Variants in PRKCH observed in about 807,000 individuals in gnomAD.
PRKCH encodes protein kinase C eta type.
PRKCH carries 28 observed loss-of-function variants against 82.5 expected under a neutral mutation model. The observed-to-expected ratio is 0.34, with a 90% confidence interval of 0.25 to 0.47. PRKCH has a LOEUF of 0.47. Ranked by LOEUF, PRKCH falls within the 20% of genes least tolerant of loss-of-function variation. The probability of loss-of-function intolerance (pLI) is 1.00; values close to 1 mark genes in which losing one functional copy is unlikely to be tolerated. For synonymous variants in PRKCH, 322 were observed against 327.4 expected (o/e 0.98, Z 0.18); for missense variants, 705 against 881.8 (o/e 0.80, Z 2.54).
At chr14:61,502,926 C>T (rs1287597433) in intron 10 of PRKCH, among the ~76,000 whole-genome samples, 1 of 151,672 alleles carries the variant, frequency 6.6e-6, no homozygotes, top group Non-Finnish European at 1.5e-5. Flanking sequence ...CTTTCGAGCC[C>T]TTCCTGGGGG....
At chr14:61,274,640 A>G (rs748689254) in intron 1 of PRKCH, among the ~76,000 whole-genome samples, 12 of 152,220 alleles carry the variant, frequency 7.9e-5, no homozygotes, top group Non-Finnish European at 1.5e-4. Flanking sequence ...CAGGGAGGCA[A>G]TTCAGGGCTC....
At chr14:61,522,073 AAGT>A (rs2042914234) in intron 10 of PRKCH, among the ~76,000 whole-genome samples, 1 of 152,184 alleles carries the variant, frequency 6.6e-6, no homozygotes, top group Non-Finnish European at 1.5e-5. Flanking sequence ...TGTCTAAAAA[AAGT>A]AGCTCAATCT....
At chr14:61,360,998 G>C (rs986598816) in intron 1 of PRKCH, 17 of 152,224 alleles carry the variant, frequency 1.1e-4, no homozygotes, top group African/African-American at 4.1e-4. Context: ...AGTAGGGTGT[G>C]AGTCATTCCA....
At chr14:61,341,371 G>T (rs2045928217) in intron 1 of PRKCH, among the ~76,000 whole-genome samples, 1 of 152,196 alleles carries the variant, frequency 6.6e-6, no homozygotes, top group Admixed American at 6.5e-5. Context: ...CATTAGAAAA[G>T]ATAGGGTTGA....
chr14:61,322,517 A>T, intron 1 of PRKCH, 53 bp downstream of exon 1: 6 of 1,537,532 alleles, frequency 3.9e-6, no homozygotes, highest in Non-Finnish European at 5.3e-6. Context: ...CGTTCCCCTT[A>T]TGTTTTTCAA....
intron 10 of PRKCH, among the ~76,000 whole-genome samples, chr14:61,520,074 C>CAAAAAAAAA (rs71992585): frequency 6.2e-5 from 6 of 97,422 alleles, no homozygotes; most frequent in Non-Finnish European, 7.3e-5. Flanking sequence ...CTACAGAAAC[C>CAAAAAAAAA]AAAAAAAAAA....
intron 2 of PRKCH, among the ~76,000 whole-genome samples, chr14:61,428,127 A>G (rs1289247047): frequency 6.6e-6 from 1 of 150,814 alleles, no homozygotes; most frequent in Non-Finnish European, 1.5e-5. Flanking sequence ...ATATATATAT[A>G]TATATGTATC....
intron 1 of PRKCH, among the ~76,000 whole-genome samples, chr14:61,209,300 T>C (rs1435093775): frequency 9.0e-6 from 1 of 110,754 alleles, no homozygotes; most frequent in Admixed American, 1.2e-4. Flanking sequence ...ACTAAGACAG[T>C]GCCTTTATTT....
chr14:61,204,124 C>A (rs981920229), intron 1 of PRKCH, among the ~76,000 whole-genome samples: 6 of 151,986 alleles, frequency 3.9e-5, no homozygotes, highest in African/African-American at 1.5e-4. Context: ...CCTTGGCAAC[C>A]AGAGCCCTTT....
chr14:61,421,739 G>A (rs1362248143), intron 2 of PRKCH, among the ~76,000 whole-genome samples: 1 of 152,168 alleles, frequency 6.6e-6, no homozygotes, highest in East Asian at 1.9e-4. Context: ...GCTAGGCATT[G>A]GTGATATCCC....
chr14:61,244,058 A>G (rs1167829020), intron 1 of PRKCH, among the ~76,000 whole-genome samples: 1 of 152,186 alleles, frequency 6.6e-6, no homozygotes, highest in Admixed American at 6.5e-5. Context: ...AGTTTGGGGC[A>G]ACGGAGCATG....
intron 1 of PRKCH, among the ~76,000 whole-genome samples, chr14:61,229,666 AC>A (rs1241746975): frequency 1.3e-5 from 2 of 152,118 alleles, no homozygotes; most frequent in Non-Finnish European, 2.9e-5. Context: ...TGGAAAGGAA[AC>A]TTTTCCAGAG....
chr14:61,486,688 T>C (rs1957898), intron 10 of PRKCH, among the ~76,000 whole-genome samples: 90,537 of 142,242 alleles, frequency 0.64, 33,203 homozygotes, highest in Middle Eastern at 0.84. Context: ...TTCTTTCTTT[T>C]TTTTTTTTTA....
At chr14:61,261,181 C>G (rs914990527) in intron 1 of PRKCH, among the ~76,000 whole-genome samples, 4 of 152,170 alleles carry the variant, frequency 2.6e-5, no homozygotes, top group Non-Finnish European at 5.9e-5. Flanking sequence ...AAACTGTTGC[C>G]GTCACCAACG....
intron 1 of PRKCH, among the ~76,000 whole-genome samples, chr14:61,232,837 G>A (rs935725632): frequency 6.6e-6 from 1 of 152,122 alleles, no homozygotes; most frequent in Non-Finnish European, 1.5e-5. Context: ...TCAGGCCTTG[G>A]TGTTCATGTG....
intron 1 of PRKCH, among the ~76,000 whole-genome samples, chr14:61,352,689 GGAAAGAAAGAAA>G (rs56406998): frequency 0.049 from 6,233 of 126,442 alleles, 189 homozygotes; most frequent in East Asian, 0.13. Context: ...AGAAAGGAAA[GGAAAGAAAGAAA>G]GAAAGAAAGA....
intron 1 of PRKCH, among the ~76,000 whole-genome samples, chr14:61,239,270 A>G (rs1375344568): frequency 6.6e-6 from 1 of 152,208 alleles, no homozygotes; most frequent in African/African-American, 2.4e-5. Context: ...TTCTTCAGGA[A>G]GCTGATGATA....
Position 61,549,898 on chromosome 14 carries a change from C to G in PRKCH, c.*67C>G, listed in dbSNP as rs545360045. The G allele has an allele frequency of 7.2e-6, 11 of 1,525,770 alleles. No individual in the cohort carries two copies. In the Admixed American group the frequency reaches 1.2e-4, roughly 16 times the overall value. 94.5% of individuals were successfully genotyped at this position (1,525,770 alleles called of 1,614,324 possible). Reference sequence around the variant, plus strand: ...AATAGAGATTCTCCAGGAATTTCCTCTATGGGACCTTCCCAGCATCAGCCT... The same window carrying G: ...AATAGAGATTCTCCAGGAATTTCCTGTATGGGACCTTCCCAGCATCAGCCT... On this transcript the variant is annotated 3_prime_UTR_variant, in exon 14 of 14. Coordinates refer to ENST00000332981, the MANE Select transcript of PRKCH (RefSeq NM_006255.5).
chr14:61,497,589 G>A (rs911377684), intron 10 of PRKCH, among the ~76,000 whole-genome samples: 1 of 152,106 alleles, frequency 6.6e-6, no homozygotes, highest in Non-Finnish European at 1.5e-5. Context: ...ATACTATATG[G>A]AACATTTCTG....
Sources: gnomAD v4.1 joint callset for allele counts (sites outside exome capture counted in the v4.1 genomes callset) on GRCh38, gnomAD v4.1.1 for gene constraint, MANE v1.5 for transcripts, NCBI Gene and HGNC (gene_info 2026-07-23, HGNC 2026-07-21) for gene names.